SYT7: variants seen among roughly 807,000 people sequenced by gnomAD.
The protein encoded by SYT7 is synaptotagmin-7.
A neutral mutation model predicts 75.1 loss-of-function variants in SYT7; 29 were observed. The ratio of observed to expected loss-of-function variants is 0.39; its 90% confidence interval spans 0.29 to 0.53. The LOEUF (loss-of-function observed/expected upper bound fraction) is 0.53, where lower values mean the gene tolerates loss of function less well. Ranked by LOEUF, SYT7 falls within the 20% of genes least tolerant of loss-of-function variation. The pLI, the probability that SYT7 is intolerant of heterozygous loss-of-function variation, is 0.77. For missense variants in SYT7, 693 were observed against 953.2 expected (o/e 0.73, Z 3.59); for synonymous variants, 376 against 401.7 (o/e 0.94, Z 0.76).
chr11:61,520,522 T>TA (rs34869695), intron 12 of SYT7, among the ~76,000 whole-genome samples: 46 of 141,868 alleles, frequency 3.2e-4, no homozygotes, highest in South Asian at 6.8e-4. Flanking sequence ...AGACTCTGTC[T>TA]AAAAAAAAAA....
intron 2 of SYT7, among the ~76,000 whole-genome samples, chr11:61,552,346 G>A (rs1285989863): frequency 6.6e-6 from 1 of 152,160 alleles, no homozygotes. Flanking sequence ...ACCTGGGCCA[G>A]GTCCAGGGCT....
intron 8 of SYT7, among the ~76,000 whole-genome samples, chr11:61,528,678 ACT>A (rs2062606675): frequency 6.6e-6 from 1 of 151,940 alleles, no homozygotes; most frequent in African/African-American, 2.4e-5. Context: ...TTGGAAAGTG[ACT>A]CTCTAGGGTG....
intron 8 of SYT7, 39 bp downstream of exon 8, chr11:61,532,950 C>T (rs1380474592): frequency 1.6e-5 from 26 of 1,608,504 alleles, no homozygotes; most frequent in Non-Finnish European, 2.2e-5. Context: ...GGCCTCCCAG[C>T]CCAGTTCCTT....
rs73481305 is a variant in SYT7, at chr11:61,565,844, C to T, written c.32-9637G>A. On this transcript the variant is annotated intron_variant, in intron 1 of 12. Transcript: ENST00000539008. ...ATGGGGGCTCAGCACGAGCAAGCTT[C>T]CTCAACCTTGACTGTAATAAAAACA... is the stretch of plus-strand genomic sequence containing the variant. Among the ~76,000 whole-genome samples the T allele has an allele frequency of 4.2e-3, 644 of 152,366 alleles. 6 individuals carry two copies. The highest frequency in any genetic ancestry group is 0.014 in the African/African-American group (574 of 41,588).
At chr11:61,533,948 C>A (rs1337469739) in intron 7 of SYT7, among the ~76,000 whole-genome samples, 6 of 152,146 alleles carry the variant, frequency 3.9e-5, no homozygotes, top group Non-Finnish European at 8.8e-5. Context: ...AAGACGGGCA[C>A]CACCGAGAAG....
chr11:61,542,440 G>A lies in SYT7; in HGVS notation c.712C>T (p.Arg238Trp), dbSNP rs1047903228. The A allele has an allele frequency of 5.2e-6, 8 of 1,532,454 alleles. No homozygotes were observed. Among genetic ancestry groups the A allele is most frequent in the African/African-American group, 2.7e-5 (2 of 72,880 alleles). 94.9% of individuals were successfully genotyped at this position (1,532,454 alleles called of 1,614,324 possible). Residue 238 changes from arginine to tryptophan, a missense_variant, in exon 6 of 13, where the codon CGG becomes TGG. Physicochemically the swap from Arg to Trp is moderately radical, Grantham distance 101. Transcript: ENST00000539008. This position sits in a 1 kb window ranked among gnomAD's most constrained non-coding sequence, Gnocchi z 7.8. ...QQPLSQHQRGRQPSQPTTSQS... is the reference protein window; with the variant it reads ...QQPLSQHQRGWQPSQPTTSQS... The stretch of plus-strand genomic sequence containing the variant: ...CTGGTGGTGGGCTGGCTGGGCTGCC[G>A]GCCCCGCTGGTGCTGGCTCAGCGGC...
At position 61,524,333 on chromosome 11, in the gene SYT7, T is replaced by C; in HGVS notation, c.1641+30A>G. ...TCTCCCAGCCCTGCCCTGCTGCCTG[T>C]CCAGCTAAGACCCACCCATGGGGCC... On this transcript the variant is annotated intron_variant, in intron 10 of 12. Coordinates refer to ENST00000539008, the MANE Select transcript of SYT7 (RefSeq NM_001365809.2). The surrounding 1 kb of genome is among the most constrained non-coding windows in gnomAD (Gnocchi z 4.1). 1.9e-6 allele frequency: 3 copies of C among 1,612,164 alleles called. No individual in the cohort carries two copies. Among genetic ancestry groups the C allele is most frequent in the Non-Finnish European group, 2.5e-6 (3 of 1,179,068 alleles).
At chr11:61,563,837 C>G (rs1288261974) in intron 1 of SYT7, among the ~76,000 whole-genome samples, 2 of 152,222 alleles carry the variant, frequency 1.3e-5, no homozygotes, top group Non-Finnish European at 2.9e-5. Flanking sequence ...CTTTCTGTGT[C>G]CTTCCCCAAC....
intron 8 of SYT7, among the ~76,000 whole-genome samples, chr11:61,529,666 G>A (rs1167246183): frequency 6.6e-6 from 1 of 152,120 alleles, no homozygotes; most frequent in East Asian, 1.9e-4. Context: ...CCAGGGTCTC[G>A]CTCTGTTGCC....
chr11:61,531,464 G>A (rs568467738), intron 8 of SYT7, among the ~76,000 whole-genome samples: 1 of 152,250 alleles, frequency 6.6e-6, no homozygotes, highest in South Asian at 2.1e-4. Flanking sequence ...TCCTGGGGGG[G>A]GGAAGATGGA....
In SYT7 at chr11:61,551,739, T is replaced by C. The variant is rs1294313562; in HGVS notation, c.136-276A>G. ...CTCCCAGGGATCAGCCCCTCCTGTC[T>C]GCCTATCTCCTGGGGCTCTGGCCTA... On this transcript the variant is annotated intron_variant, in intron 2 of 12. Coordinates refer to ENST00000539008, the MANE Select transcript of SYT7 (RefSeq NM_001365809.2). This position sits in a 1 kb window ranked among gnomAD's most constrained non-coding sequence, Gnocchi z 5.3. 6.6e-6 allele frequency among the ~76,000 whole-genome samples: 1 copy of C among 152,132 alleles called. No homozygotes were observed. The highest frequency in any genetic ancestry group is 6.5e-5 in the Admixed American group (1 of 15,280).
intron 8 of SYT7, among the ~76,000 whole-genome samples, chr11:61,530,616 C>A (rs147978158): frequency 1.2e-3 from 187 of 152,280 alleles, no homozygotes; most frequent in Non-Finnish European, 1.8e-3. Flanking sequence ...AAAGATCACT[C>A]GCCCTCCCCC....
chr11:61,560,598 G>T (rs1189466274), intron 1 of SYT7, among the ~76,000 whole-genome samples: 3 of 152,174 alleles, frequency 2.0e-5, no homozygotes, highest in African/African-American at 7.2e-5. Context: ...AAATTGCATT[G>T]ATGTTGTGAA....
chr11:61,523,710 G>T lies in SYT7; in HGVS notation c.1756+117C>A. 9.7e-7 allele frequency: 1 copy of T among 1,032,486 alleles called. No individual in the cohort carries two copies. The highest frequency in any genetic ancestry group is 1.4e-6 in the Non-Finnish European group (1 of 694,718). The allele number at this position is 1,032,486 out of a possible 1,614,324, so 64.0% of individuals were successfully genotyped here. A position where few individuals can be genotyped will look rare whatever the true frequency, so the allele number is the denominator to read the frequency against. ...GGGTAAGGAGTGAGGACTGGAGGTC[G>T]GGGTGTGGCGGGTTGGGGTGAGGAC... is the stretch of plus-strand genomic sequence containing the variant. On this transcript the variant is annotated intron_variant, in intron 11 of 12. Coordinates refer to ENST00000539008, the MANE Select transcript of SYT7 (RefSeq NM_001365809.2). The surrounding 1 kb of genome is among the most constrained non-coding windows in gnomAD (Gnocchi z 5.0).
intron 12 of SYT7, among the ~76,000 whole-genome samples, chr11:61,520,280 G>A (rs1296640939): frequency 6.6e-6 from 1 of 151,854 alleles, no homozygotes; most frequent in East Asian, 1.9e-4. Flanking sequence ...TCCCAGCACT[G>A]TAGGAGGCCA....
rs1388648037 is a variant in SYT7 at position 61,546,364 on chromosome 11, A to C, written c.348-109T>G. 2 of 670,686 alleles carry C rather than the reference A, an allele frequency of 3.0e-6. No individual in the cohort carries two copies. Among genetic ancestry groups the C allele is most frequent in the Non-Finnish European group, 4.8e-6 (2 of 415,410 alleles). The allele number at this position is 670,686 out of a possible 1,614,324, so 41.5% of individuals were successfully genotyped here. The stretch of plus-strand genomic sequence containing the variant: ...GGGGGGTGGAAGAGGAAGAAAAACA[A>C]TAACAGATAAAAGGAAGAAAGAGAC... On this transcript the variant is annotated intron_variant, in intron 4 of 12. Coordinates refer to ENST00000539008, the MANE Select transcript of SYT7 (RefSeq NM_001365809.2). The surrounding 1 kb of genome is among the most constrained non-coding windows in gnomAD (Gnocchi z 7.6).
intron 2 of SYT7, among the ~76,000 whole-genome samples, chr11:61,554,288 A>G (rs2908210): frequency 0.96 from 146,494 of 152,068 alleles, 70,809 homozygotes; most frequent in Middle Eastern, 1. Flanking sequence ...ATCTCTCACC[A>G]CACACACCCA....
chr11:61,528,820 ATGGGGCTGGTG>A (rs1306324092), intron 8 of SYT7, among the ~76,000 whole-genome samples: 1 of 152,150 alleles, frequency 6.6e-6, no homozygotes, highest in African/African-American at 2.4e-5. Flanking sequence ...CAGTTTGACG[ATGGGGCTGGTG>A]TGGGCCTGGG....
chr11:61,542,363 G>T lies in SYT7; in HGVS notation c.789C>A (p.Asn263Lys), dbSNP rs562424970. The T allele has an allele frequency of 7.9e-5, 121 of 1,530,714 alleles. No homozygotes were observed. The African/African-American group carries it at 1.6e-3, about 20-fold the overall frequency. 94.8% of individuals were successfully genotyped at this position (1,530,714 alleles called of 1,614,324 possible). ...QAHMASAPGP[N>K]PRAYGRGQAR... The stretch of plus-strand genomic sequence containing the variant: ...CCTGGCCCCGGCCATAGGCCCGGGG[G>T]TTGGGGCCTGGTGCCGAGGCCATGT... The change falls in exon 6 of 13, where the codon AAC (asparagine) becomes AAA (lysine). Residue 263 changes from asparagine to lysine, a missense_variant. By Grantham distance (94) the Asn-to-Lys change is moderately conservative. Coordinates refer to ENST00000539008, the MANE Select transcript of SYT7 (RefSeq NM_001365809.2). This position sits in a 1 kb window ranked among gnomAD's most constrained non-coding sequence, Gnocchi z 7.8.
Sources: gnomAD v4.1 joint callset for allele counts (sites outside exome capture counted in the v4.1 genomes callset) on GRCh38, gnomAD v4.1.1 for gene constraint, Gnocchi (gnomAD v3.1) non-coding constraint, MANE v1.5 for transcripts, NCBI Gene and HGNC (gene_info 2026-07-23, HGNC 2026-07-21) for gene names.